The following RGPD8 variants were observed in gnomAD, a reference collection of about 807,000 sequenced individuals.
RGPD8 encodes RANBP2 like and GRIP domain containing 8.
RGPD8 carries 15 observed loss-of-function variants against 89.1 expected under a neutral mutation model. The observed-to-expected ratio is 0.17, with a 90% CI of 0.11 to 0.26. The LOEUF is 0.26. Among genes scored for constraint, RGPD8 ranks in the 10% least tolerant of loss-of-function variants. The probability of loss-of-function intolerance (pLI) is 1.00; values close to 1 mark genes in which losing one functional copy is unlikely to be tolerated. For synonymous variants in RGPD8, 62 were observed against 420.9 expected, an observed-to-expected ratio of 0.15 and a Z score of 10.44; for missense variants, 178 against 1,179.6, an observed-to-expected ratio of 0.15 and a Z score of 12.44.
intron 9 of RGPD8, among the ~76,000 whole-genome samples, chr2:112,402,437 C>A (rs1232037343): frequency 1.1e-3 from 168 of 149,846 alleles, no homozygotes; most frequent in Non-Finnish European, 1.9e-3. Flanking sequence ...AACCTGGCAG[C>A]CGAGATTGCG....
rs368623869 is a variant in RGPD8 at position 112,425,326 on chromosome 2, G to A, written c.73-1019C>T. On this transcript the variant is annotated intron_variant, in intron 1 of 22. Transcript: ENST00000302558. ...AGGCACTGAGGATTCCCGGGTCCAT[G>A]TACTGTTCTCTCTACAGATCAGATC... Among the ~76,000 whole-genome samples the A allele has an allele frequency of 6.7e-5, 10 of 149,998 alleles. No individual in the cohort carries two copies. In the South Asian group the frequency reaches 1.1e-3, roughly 16 times the overall value.
chr2:112,402,083 C>A (rs1678883732), intron 9 of RGPD8, among the ~76,000 whole-genome samples: 1 of 3,786 alleles, frequency 2.6e-4, no homozygotes, highest in Non-Finnish European at 5.8e-4. Flanking sequence ...TGTTTAAGTC[C>A]ATCTTAAAAA....
intron 1 of RGPD8, 45 bp downstream of exon 1, chr2:112,433,337 C>T (rs1231961614): frequency 2.9e-6 from 4 of 1,385,986 alleles, no homozygotes; most frequent in East Asian, 5.4e-5. Context: ...AGGCCGCCGC[C>T]GCCCGGCCGG....
In RGPD8 at chr2:112,409,561, G is replaced by A. The variant is rs1007464406; in HGVS notation, c.978+2870C>T. On this transcript the variant is annotated intron_variant, in intron 7 of 22. Transcript: ENST00000302558. Reference sequence around the variant, plus strand: ...CCTGTAATCTCAGCACTTTGGGAGGGCAAGGCAGAAAGATCACTTGAAGCC... The same window carrying A: ...CCTGTAATCTCAGCACTTTGGGAGGACAAGGCAGAAAGATCACTTGAAGCC... Among the ~76,000 whole-genome samples the A allele has an allele frequency of 2.1e-5, 3 of 145,824 alleles. 1 individual carries two copies. The highest frequency in any genetic ancestry group is 8.3e-5 in the African/African-American group (3 of 36,028).
intron 4 of RGPD8, among the ~76,000 whole-genome samples, chr2:112,419,511 C>T (rs1460716153): frequency 5.4e-5 from 8 of 148,754 alleles, no homozygotes; most frequent in Non-Finnish European, 1.1e-4. Context: ...ATGTCAGAAA[C>T]TGTTTACCTT....
chr2:112,429,060 G>C (rs1645644634), intron 1 of RGPD8, among the ~76,000 whole-genome samples: 1 of 151,610 alleles, frequency 6.6e-6, no homozygotes, highest in Admixed American at 6.6e-5. Flanking sequence ...TAACAGTACT[G>C]AAAGAATGAG....
At chr2:112,415,502 T>A (rs1325062832) in intron 6 of RGPD8, among the ~76,000 whole-genome samples, 11 of 151,050 alleles carry the variant, frequency 7.3e-5, no homozygotes, top group Admixed American at 7.2e-4. Context: ...CCTGAGTGAC[T>A]CCATCCCCAT....
Position 112,413,685 on chromosome 2 carries a change from T to C in RGPD8, c.783-1059A>G, listed in dbSNP as rs1010356876. On this transcript the variant is annotated intron_variant, in intron 6 of 22. Coordinates refer to ENST00000302558, the MANE Select transcript of RGPD8 (RefSeq NM_001164463.1). Reference sequence around the variant, plus strand: ...TATATATTACATACTCATTTTCTCATGTATGTAGAGCTGACTTTTTTTGTT... The same window carrying C: ...TATATATTACATACTCATTTTCTCACGTATGTAGAGCTGACTTTTTTTGTT... 6.0e-5 allele frequency among the ~76,000 whole-genome samples: 8 copies of C among 133,690 alleles called. 1 individual carries two copies. The highest frequency in any genetic ancestry group is 2.5e-4 in the African/African-American group (8 of 32,550). 87.7% of individuals were successfully genotyped at this position (133,690 alleles called of 152,430 possible). A position where few individuals can be genotyped will look rare whatever the true frequency, so the allele number is the denominator to read the frequency against.
chr2:112,381,964 G>A (rs1193740931), intron 20 of RGPD8, among the ~76,000 whole-genome samples: 1 of 152,310 alleles, frequency 6.6e-6, no homozygotes, highest in African/African-American at 2.4e-5. Context: ...TGAGGGTGTT[G>A]CCAAAGGGAT....
In RGPD8 at chr2:112,400,096, CTTCT is replaced by C. The variant is rs1678878346; in HGVS notation, c.1853_1856del (p.Lys618ArgfsTer18). 4.1e-6 allele frequency: 1 copy of C among 246,520 alleles called. No individual in the cohort carries two copies. The highest frequency in any genetic ancestry group is 6.3e-5 in the East Asian group (1 of 15,818). The allele number at this position is 246,520 out of a possible 1,614,324, so 15.3% of individuals were successfully genotyped here. ...GATCAATAGGTTCAGGAATACTGTT[CTTCT>C]TTATTATCTTCAACAATGGCAAAAC... On this transcript the variant is annotated frameshift_variant, in exon 13 of 23. Transcript: ENST00000302558. LOFTEE classifies it high-confidence loss of function.
At chr2:112,426,156 G>A (rs1380999913) in intron 1 of RGPD8, among the ~76,000 whole-genome samples, 2 of 151,986 alleles carry the variant, frequency 1.3e-5, no homozygotes, top group Non-Finnish European at 2.9e-5. Context: ...TCACTTAAAG[G>A]AAGCACTATA....
At chr2:112,429,149 G>A (rs1314292269) in intron 1 of RGPD8, among the ~76,000 whole-genome samples, 5 of 151,886 alleles carry the variant, frequency 3.3e-5, no homozygotes, top group South Asian at 2.1e-4. Flanking sequence ...GGCCGGGCGC[G>A]GTGGCTCACG....
intron 1 of RGPD8, among the ~76,000 whole-genome samples, chr2:112,430,145 G>A (rs1390127358): frequency 2.0e-5 from 3 of 152,068 alleles, no homozygotes; most frequent in Admixed American, 1.3e-4. Context: ...AAGCACAATG[G>A]AAGACTAGAA....
chr2:112,432,255 G>A (rs1484394055), intron 1 of RGPD8, among the ~76,000 whole-genome samples: 4 of 151,950 alleles, frequency 2.6e-5, no homozygotes, highest in Admixed American at 1.3e-4. Context: ...TACCTGTAAA[G>A]AGGAAAAATA....
intron 6 of RGPD8, among the ~76,000 whole-genome samples, chr2:112,416,302 A>T (rs1284331111): frequency 2.8e-4 from 43 of 152,192 alleles, no homozygotes; most frequent in African/African-American, 1.0e-3. Context: ...AATTTAGGAC[A>T]CTATGTACTT....
At chr2:112,411,058 T>C (rs1223601074) in intron 7 of RGPD8, among the ~76,000 whole-genome samples, 1 of 152,212 alleles carries the variant, frequency 6.6e-6, no homozygotes, top group Non-Finnish European at 1.5e-5. Flanking sequence ...CACTCCAGCC[T>C]GGGCAACAAG....
chr2:112,424,736 A>ACCT (rs1553505934), intron 1 of RGPD8, among the ~76,000 whole-genome samples: 1 of 123,414 alleles, frequency 8.1e-6, no homozygotes, highest in Non-Finnish European at 1.8e-5. Context: ...CATCTCCCAA[A>ACCT]CATCATCATC....
At chr2:112,424,731 C>G (rs1679694180) in intron 1 of RGPD8, among the ~76,000 whole-genome samples, 1 of 151,152 alleles carries the variant, frequency 6.6e-6, no homozygotes, top group Non-Finnish European at 1.5e-5. Context: ...GACTCCATCT[C>G]CCAAACATCA....
At chr2:112,432,437 GA>G (rs1196193477) in intron 1 of RGPD8, 2 of 977,274 alleles carry the variant, frequency 2.0e-6, no homozygotes, top group Non-Finnish European at 2.4e-6. Flanking sequence ...CTTACAAAGG[GA>G]CAGCGACAAA....
Sources: gnomAD v4.1 joint callset for allele counts (sites outside exome capture counted in the v4.1 genomes callset) on GRCh38, gnomAD v4.1.1 for gene constraint, MANE v1.5 for transcripts, NCBI Gene and HGNC (gene_info 2026-07-23, HGNC 2026-07-21) for gene names.